The following CSE1L variants were observed in gnomAD, a reference collection of about 807,000 sequenced individuals.
CSE1L encodes the protein chromosome segregation 1 like.
CSE1L carries 24 observed loss-of-function variants against 120.4 expected under a neutral mutation model. The ratio of observed to expected loss-of-function variants is 0.20; its 90% CI spans 0.14 to 0.28. The LOEUF (loss-of-function observed/expected upper bound fraction) is 0.28. Among genes scored for constraint, CSE1L ranks in the 10% least tolerant of loss-of-function variants. CSE1L has a pLI of 1.00. For synonymous variants in CSE1L, 402 were observed against 398.3 expected (o/e 1.01, Z -0.11); for missense variants, 830 against 1,145.2 (o/e 0.72, Z 3.97).
chr20:49,050,495 C>T lies in CSE1L; in HGVS notation c.-12+4072C>T, dbSNP rs536371903. Among the ~76,000 whole-genome samples, 5 of 150,282 alleles carry T rather than the reference C, an allele frequency of 3.3e-5. No individual in the cohort carries two copies. In the East Asian group the frequency reaches 7.8e-4, roughly 23 times the overall value. On this transcript the variant is annotated intron_variant, in intron 1 of 24. Coordinates refer to ENST00000262982, the MANE Select transcript of CSE1L (RefSeq NM_001316.4). ...TTGGCTCATTGAAACCTCTGCCTCC[C>T]GGGTTCAAGCAATTCTCCTGTCTCA...
intron 7 of CSE1L, among the ~76,000 whole-genome samples, chr20:49,069,189 G>A (rs1337774231): frequency 6.6e-6 from 1 of 152,098 alleles, no homozygotes; most frequent in African/African-American, 2.4e-5. Flanking sequence ...TTTGGTTAGG[G>A]GTTGCTGTCC....
intron 16 of CSE1L, among the ~76,000 whole-genome samples, chr20:49,087,352 T>TTC (rs1555825687): frequency 5.6e-5 from 1 of 17,796 alleles, no homozygotes; most frequent in Non-Finnish European, 1.4e-4. Context: ...TTTCTTTTTC[T>TTC]TTTTTTTTTT....
In CSE1L at chr20:49,072,626, A is replaced by C. The variant is rs1439204981; in HGVS notation, c.995A>C (p.Asn332Thr). The stretch of plus-strand genomic sequence containing the variant: ...GTTTGTGAGAGACCTCATTATAAGA[A>C]TCTATTTGAGGACCAGAACACGCTG... ...ASVCERPHYK[N>T]LFEDQNTLTS... Residue 332 changes from asparagine to threonine, a missense_variant, in exon 10 of 25, where the codon AAT becomes ACT. This residue lies in a region of CSE1L where 543 missense variants were observed against 640.2 expected (regional missense o/e 0.85). Coordinates refer to ENST00000262982, the MANE Select transcript of CSE1L (RefSeq NM_001316.4). 6.2e-7 allele frequency: 1 copy of C among 1,613,848 alleles called. No homozygotes were observed. Among genetic ancestry groups the C allele is most frequent in the Non-Finnish European group, 8.5e-7 (1 of 1,179,878 alleles).
At chr20:49,051,299 A>G (rs2123643414) in intron 1 of CSE1L, among the ~76,000 whole-genome samples, 1 of 152,324 alleles carries the variant, frequency 6.6e-6, no homozygotes, top group African/African-American at 2.4e-5. Context: ...TAATCCCAGC[A>G]CTTTGGGAGG....
chr20:49,066,142 A>G (rs1484148258), intron 3 of CSE1L, 50 bp from the exon 4 acceptor site: 4 of 1,429,894 alleles, frequency 2.8e-6, no homozygotes, highest in Middle Eastern at 1.8e-4. Context: ...AATCATGTGG[A>G]CATGAATGTG....
intron 21 of CSE1L, 136 bp from the exon 22 acceptor site, chr20:49,091,910 A>T: frequency 1.6e-6 from 1 of 620,696 alleles, no homozygotes; most frequent in South Asian, 1.9e-5. Context: ...CAAGTTTTCT[A>T]TTTACTAGAA....
intron 10 of CSE1L, among the ~76,000 whole-genome samples, chr20:49,073,909 A>T (rs1004104263): frequency 1.3e-5 from 2 of 152,168 alleles, no homozygotes; most frequent in Non-Finnish European, 2.9e-5. Context: ...TTTCATAAAA[A>T]TATGTTTAAA....
rs189799183 is a variant in CSE1L at position 49,096,712 on chromosome 20, G to A, written c.*274G>A. ...GTTGGTTTGTGTTGAGCGTTTGCAC[G>A]GTTTGGATAATCTTAAATTTTGACG... is the stretch of plus-strand genomic sequence containing the variant. On this transcript the variant is annotated 3_prime_UTR_variant, in exon 25 of 25. Coordinates refer to ENST00000262982, the MANE Select transcript of CSE1L (RefSeq NM_001316.4). 7.9e-6 allele frequency: 3 copies of A among 379,472 alleles called. No individual in the cohort carries two copies. Among genetic ancestry groups the A allele is most frequent in the Admixed American group, 4.3e-5 (1 of 23,448 alleles). 23.5% of individuals were successfully genotyped at this position (379,472 alleles called of 1,614,324 possible). A position where few individuals can be genotyped will look rare whatever the true frequency, so the allele number is the denominator to read the frequency against.
chr20:49,080,569 C>T (rs1328917602), intron 14 of CSE1L, among the ~76,000 whole-genome samples: 5 of 152,142 alleles, frequency 3.3e-5, no homozygotes, highest in East Asian at 1.9e-4. Context: ...ATGCGTCTCC[C>T]GAGTTCAAGC....
At chr20:49,061,806 A>AT (rs201001289) in intron 2 of CSE1L, among the ~76,000 whole-genome samples, 12 of 148,936 alleles carry the variant, frequency 8.1e-5, no homozygotes, top group South Asian at 6.4e-4. Flanking sequence ...CCCGGCAATT[A>AT]TTTTTTTTTT....
chr20:49,081,335 G>A (rs1341530366), intron 14 of CSE1L, among the ~76,000 whole-genome samples: 1 of 152,156 alleles, frequency 6.6e-6, no homozygotes, highest in East Asian at 1.9e-4. Flanking sequence ...CCAGGCTGGA[G>A]TGCAGTGACA....
chr20:49,054,638 TCGTGTGC>T (rs2091792864), intron 1 of CSE1L, among the ~76,000 whole-genome samples: 1 of 152,232 alleles, frequency 6.6e-6, no homozygotes, highest in Non-Finnish European at 1.5e-5. Flanking sequence ...ACATCTAGCA[TCGTGTGC>T]CTGGTTCATA....
In CSE1L at chr20:49,089,241, T is replaced by A; in HGVS notation, c.1822-6T>A. On this transcript the variant is annotated splice_polypyrimidine_tract_variant and splice_region_variant and intron_variant, in intron 17 of 24. Transcript: ENST00000262982. ...GCATAATTAGGTTTTTTTTTTTTAA[T>A]TTCAGAACCCAAGCAAACCTCACTT... The A allele has an allele frequency of 6.4e-7, 1 of 1,563,186 alleles. No homozygotes were observed. Among genetic ancestry groups the A allele is most frequent in the South Asian group, 1.2e-5 (1 of 82,426 alleles).
At chr20:49,086,048 T>G (rs2092054113) in intron 16 of CSE1L, among the ~76,000 whole-genome samples, 1 of 152,172 alleles carries the variant, frequency 6.6e-6, no homozygotes, top group Admixed American at 6.5e-5. Flanking sequence ...AAATCGTGTC[T>G]TCTTACGTAC....
At chr20:49,071,082 T>C (rs765432296) in intron 8 of CSE1L, among the ~76,000 whole-genome samples, 2 of 152,178 alleles carry the variant, frequency 1.3e-5, no homozygotes, top group Admixed American at 6.5e-5. Context: ...TTTGTTAATA[T>C]ATTTATGACC....
intron 1 of CSE1L, among the ~76,000 whole-genome samples, chr20:49,055,813 TTATATC>T (rs1359628993): frequency 6.6e-6 from 1 of 152,200 alleles, no homozygotes; most frequent in Non-Finnish European, 1.5e-5. Context: ...AAAACTCTCC[TTATATC>T]TATCACCGAG....
intron 2 of CSE1L, among the ~76,000 whole-genome samples, chr20:49,060,305 A>C (rs1181390093): frequency 6.6e-6 from 1 of 150,952 alleles, no homozygotes; most frequent in Non-Finnish European, 1.5e-5. Context: ...AATGTGGTGA[A>C]ACCCTGTCTC....
chr20:49,048,151 T>C (rs1369809571), intron 1 of CSE1L, among the ~76,000 whole-genome samples: 1 of 150,522 alleles, frequency 6.6e-6, no homozygotes, highest in African/African-American at 2.5e-5. Context: ...TCTCTCTTTT[T>C]TTTTTTTTTT....
At chr20:49,090,574 C>G (rs527932293) in intron 19 of CSE1L, among the ~76,000 whole-genome samples, 168 bp from the exon 20 acceptor site, 8 of 152,002 alleles carry the variant, frequency 5.3e-5, no homozygotes, top group African/African-American at 1.9e-4. Context: ...AAAAAAATTA[C>G]TTTAATGGCT....
Sources: gnomAD v4.1 joint callset for allele counts (sites outside exome capture counted in the v4.1 genomes callset) on GRCh38, gnomAD v4.1.1 for gene constraint, gnomAD v4.1.1 regional missense constraint, MANE v1.5 for transcripts, NCBI Gene and HGNC (gene_info 2026-07-23, HGNC 2026-07-21) for gene names.